SCARA5: variants seen among roughly 807,000 people sequenced by gnomAD.
SCARA5 encodes scavenger receptor class A, member 5 (putative).
Under a neutral mutation model 46.3 loss-of-function variants are expected in SCARA5, and 45 were observed. That is an observed-to-expected ratio of 0.97 (90% confidence interval 0.76 to 1.24). SCARA5 has a LOEUF of 1.24. Among genes scored for constraint, SCARA5 ranks in the 50% most tolerant of loss-of-function variants. The pLI is 0.00. For synonymous variants in SCARA5, 333 were observed against 306.5 expected (o/e 1.09, Z -0.90); for missense variants, 680 against 689.0 (o/e 0.99, Z 0.15).
chr8:27,964,775 C>G (rs1003737935), intron 3 of SCARA5, among the ~76,000 whole-genome samples: 1 of 152,080 alleles, frequency 6.6e-6, no homozygotes, highest in African/African-American at 2.4e-5. Flanking sequence ...CCTCCAGAGG[C>G]CTGCCCCAAA....
intron 7 of SCARA5, among the ~76,000 whole-genome samples, chr8:27,900,493 G>A (rs1278068717): frequency 6.6e-6 from 1 of 152,204 alleles, no homozygotes; most frequent in African/African-American, 2.4e-5. Flanking sequence ...TGTACGAAGT[G>A]TTAAACATTT....
chr8:27,922,507 C>T (rs1191020741), intron 3 of SCARA5, among the ~76,000 whole-genome samples: 1 of 152,112 alleles, frequency 6.6e-6, no homozygotes, highest in Non-Finnish European at 1.5e-5. Flanking sequence ...TGCGGTGTTA[C>T]CTGGGCTTTG....
At chr8:27,930,348 C>T (rs1266525306) in intron 3 of SCARA5, among the ~76,000 whole-genome samples, 1 of 151,836 alleles carries the variant, frequency 6.6e-6, no homozygotes, top group African/African-American at 2.4e-5. Context: ...TGCCTTTCAC[C>T]TTCTGCCATG....
At chr8:27,909,879 C>T in intron 4 of SCARA5, 136 bp from the exon 5 acceptor site, 2 of 571,516 alleles carry the variant, frequency 3.5e-6, no homozygotes, top group Non-Finnish European at 6.2e-6. Flanking sequence ...CAGGAAACCC[C>T]CAGCCCAGTC....
chr8:27,912,789 G>A (rs1457975156), intron 4 of SCARA5, among the ~76,000 whole-genome samples: 4 of 152,222 alleles, frequency 2.6e-5, no homozygotes, highest in Non-Finnish European at 5.9e-5. Context: ...GTCTTCCCAG[G>A]AGTCACTCTC....
At chr8:27,955,543 AC>A (rs1808194351) in intron 3 of SCARA5, among the ~76,000 whole-genome samples, 2 of 152,152 alleles carry the variant, frequency 1.3e-5, no homozygotes, top group African/African-American at 2.4e-5. Flanking sequence ...TCCTAACAAA[AC>A]CAAACACACC....
At chr8:27,970,159 G>A (rs978260880) in intron 2 of SCARA5, among the ~76,000 whole-genome samples, 3 of 152,182 alleles carry the variant, frequency 2.0e-5, no homozygotes, top group African/African-American at 7.2e-5. Context: ...AGCGCCCACA[G>A]AGAGGCTTAT....
In SCARA5 at chr8:27,871,406, C is replaced by G; in HGVS notation, c.*528G>C. 2 of 987,440 alleles carry G rather than the reference C, an allele frequency of 2.0e-6. No homozygotes were observed. The highest frequency in any genetic ancestry group is 2.4e-6 in the Non-Finnish European group (2 of 831,106). 61.2% of individuals were successfully genotyped at this position (987,440 alleles called of 1,614,324 possible). A position where few individuals can be genotyped will look rare whatever the true frequency, so the allele number is the denominator to read the frequency against. Reference sequence around the variant, plus strand: ...TGGCTTCTCCTCTATGTCACTTCCTCAAACTAGCAAATGGGGAGCAGAGGC... The same window carrying G: ...TGGCTTCTCCTCTATGTCACTTCCTGAAACTAGCAAATGGGGAGCAGAGGC... On this transcript the variant is annotated 3_prime_UTR_variant, in exon 9 of 9. Transcript: ENST00000354914.
chr8:27,945,932 G>A (rs1217313924), intron 3 of SCARA5, among the ~76,000 whole-genome samples: 2 of 152,224 alleles, frequency 1.3e-5, no homozygotes, highest in African/African-American at 4.8e-5. Flanking sequence ...CGTGGTGAAC[G>A]CTAGTGTGTT....
At chr8:27,963,634 C>G (rs1322775847) in intron 3 of SCARA5, among the ~76,000 whole-genome samples, 1 of 152,186 alleles carries the variant, frequency 6.6e-6, no homozygotes, top group Non-Finnish European at 1.5e-5. Context: ...AACCTTCAAA[C>G]AGGTAAACTT....
At chr8:27,887,048 A>C (rs1806907574) in intron 7 of SCARA5, among the ~76,000 whole-genome samples, 1 of 152,184 alleles carries the variant, frequency 6.6e-6, no homozygotes, top group South Asian at 2.1e-4. Flanking sequence ...TGTGAAATTC[A>C]GAGACTCCTA....
intron 2 of SCARA5, among the ~76,000 whole-genome samples, chr8:27,974,088 C>G (rs963148789): frequency 6.6e-6 from 1 of 152,118 alleles, no homozygotes; most frequent in African/African-American, 2.4e-5. Flanking sequence ...GGGAGAGGGT[C>G]CCCCAGTGTC....
chr8:27,896,867 G>A (rs2726968), intron 7 of SCARA5, among the ~76,000 whole-genome samples: 94,857 of 152,000 alleles, frequency 0.62, 33,082 homozygotes, highest in Non-Finnish European at 0.78. Flanking sequence ...GCTGAGGCGG[G>A]TGGATCTTGA....
intron 3 of SCARA5, among the ~76,000 whole-genome samples, chr8:27,957,637 G>A (rs1379658457): frequency 2.0e-5 from 3 of 152,188 alleles, no homozygotes; most frequent in South Asian, 2.1e-4. Context: ...CTGAATTCAC[G>A]CCATTCCCAG....
chr8:27,985,089 C>T (rs946304921), intron 2 of SCARA5, among the ~76,000 whole-genome samples: 2 of 152,204 alleles, frequency 1.3e-5, no homozygotes, highest in Admixed American at 6.5e-5. Context: ...AACAGAGATG[C>T]CTACTGTGGT....
intron 7 of SCARA5, among the ~76,000 whole-genome samples, chr8:27,881,274 C>G (rs1806808337): frequency 6.6e-6 from 1 of 152,134 alleles, no homozygotes; most frequent in Non-Finnish European, 1.5e-5. Flanking sequence ...TTCACAATAG[C>G]AAAGACATGG....
intron 8 of SCARA5, among the ~76,000 whole-genome samples, chr8:27,875,036 T>A (rs1346728006): frequency 6.6e-6 from 1 of 152,202 alleles, no homozygotes; most frequent in Non-Finnish European, 1.5e-5. Context: ...GGAGAAATGT[T>A]ATGGTGCCAG....
At chr8:27,910,771 C>T (rs928321932) in intron 4 of SCARA5, among the ~76,000 whole-genome samples, 3 of 152,212 alleles carry the variant, frequency 2.0e-5, no homozygotes, top group East Asian at 3.8e-4. Context: ...AAGAGGCCAG[C>T]GTCATGCTCA....
chr8:27,948,588 A>T (rs1418802070), intron 3 of SCARA5, among the ~76,000 whole-genome samples: 6 of 152,228 alleles, frequency 3.9e-5, no homozygotes, highest in African/African-American at 1.2e-4. Context: ...GGATTTGAGC[A>T]GCTAGGGGCC....
Sources: gnomAD v4.1 joint callset for allele counts (sites outside exome capture counted in the v4.1 genomes callset) on GRCh38, gnomAD v4.1.1 for gene constraint, MANE v1.5 for transcripts, NCBI Gene and HGNC (gene_info 2026-07-23, HGNC 2026-07-21) for gene names.